SCAMP1: variants seen among roughly 807,000 people sequenced by gnomAD.
SCAMP1 encodes the protein secretory carrier-associated membrane protein 1.
A neutral mutation model predicts 41.8 loss-of-function variants in SCAMP1; 15 were observed. The observed-to-expected ratio is 0.36, with a 90% CI of 0.24 to 0.55. SCAMP1 has a LOEUF of 0.55. Among genes scored for constraint, SCAMP1 ranks in the 20% least tolerant of loss-of-function variants. SCAMP1 has a pLI of 0.86. For synonymous variants in SCAMP1, 135 were observed against 136.8 expected (o/e 0.99, Z 0.09); for missense variants, 341 against 412.6 (o/e 0.83, Z 1.50).
At chr5:78,409,625 G>A (rs1303260492) in intron 2 of SCAMP1, among the ~76,000 whole-genome samples, 2 of 152,146 alleles carry the variant, frequency 1.3e-5, no homozygotes, top group South Asian at 2.1e-4. Flanking sequence ...ATCTACAGAT[G>A]TGAAGAAATT....
At chr5:78,438,493 G>T (rs558214197) in intron 6 of SCAMP1, among the ~76,000 whole-genome samples, 5 of 152,302 alleles carry the variant, frequency 3.3e-5, no homozygotes, top group African/African-American at 1.2e-4. Context: ...TTCAGGAGCA[G>T]GTTGTTCAGT....
intron 1 of SCAMP1, among the ~76,000 whole-genome samples, chr5:78,362,028 A>C (rs1750668371): frequency 6.6e-6 from 1 of 151,928 alleles, no homozygotes; most frequent in Non-Finnish European, 1.5e-5. Flanking sequence ...CCCTAATGTC[A>C]CTTAAAATTC....
chr5:78,415,146 G>A (rs554856297), intron 2 of SCAMP1, among the ~76,000 whole-genome samples: 2 of 152,126 alleles, frequency 1.3e-5, no homozygotes, highest in East Asian at 1.9e-4. Context: ...TAGAGACGGG[G>A]TTTCACCATA....
In SCAMP1 at chr5:78,460,808, C is replaced by CTTTCTTT. The variant is rs1164686959; in HGVS notation, c.852+1446_852+1447insTTTCTTT. Among the ~76,000 whole-genome samples the CTTTCTTT allele has an allele frequency of 3.0e-4, 7 of 23,130 alleles. 1 individual carries two copies. Among genetic ancestry groups the CTTTCTTT allele is most frequent in the African/African-American group, 6.1e-4 (5 of 8,212 alleles). The allele number at this position is 23,130 out of a possible 152,430, so 15.2% of individuals were successfully genotyped here. A position where few individuals can be genotyped will look rare whatever the true frequency, so the allele number is the denominator to read the frequency against. ...TCCTTCCTTCCTTCCTTCCTTCCTC[C>CTTTCTTT]CTTCCTTCCTTCCTTTCTTGTCTTT... On this transcript the variant is annotated intron_variant, in intron 8 of 8. Coordinates refer to ENST00000621999, the MANE Select transcript of SCAMP1 (RefSeq NM_004866.6).
intron 6 of SCAMP1, 29 bp downstream of exon 6, chr5:78,421,989 C>T (rs777211957): frequency 1.3e-6 from 2 of 1,554,572 alleles, no homozygotes; most frequent in Admixed American, 1.8e-5. Flanking sequence ...AAAATACACT[C>T]TTTAAAACCT....
chr5:78,389,453 A>G (rs1038131301), intron 2 of SCAMP1, among the ~76,000 whole-genome samples: 3 of 152,118 alleles, frequency 2.0e-5, no homozygotes, highest in East Asian at 3.9e-4. Context: ...TATTTATTGT[A>G]GAGACAGTGT....
chr5:78,384,057 C>G (rs1356201110), intron 1 of SCAMP1, among the ~76,000 whole-genome samples: 4 of 152,042 alleles, frequency 2.6e-5, no homozygotes, highest in African/African-American at 9.7e-5. Flanking sequence ...TTCTACCCAT[C>G]CATGAGCATG....
intron 7 of SCAMP1, among the ~76,000 whole-genome samples, chr5:78,452,402 T>C (rs1753261214): frequency 1.5e-5 from 2 of 135,158 alleles, no homozygotes; most frequent in South Asian, 5.3e-4. Flanking sequence ...TGTGATCTCA[T>C]TGTTCAATTC....
At chr5:78,407,595 A>C (rs1751964259) in intron 2 of SCAMP1, among the ~76,000 whole-genome samples, 1 of 146,204 alleles carries the variant, frequency 6.8e-6, no homozygotes, top group Non-Finnish European at 1.5e-5. Flanking sequence ...GTGTCTTCAT[A>C]TACTGTTTAA....
At chr5:78,367,578 A>G (rs540163151) in intron 1 of SCAMP1, among the ~76,000 whole-genome samples, 1 of 152,312 alleles carries the variant, frequency 6.6e-6, no homozygotes, top group South Asian at 2.1e-4. Flanking sequence ...TTCTTGAATC[A>G]TATGCTACTT....
At chr5:78,431,278 C>CTT (rs771462979) in intron 6 of SCAMP1, among the ~76,000 whole-genome samples, 3,742 of 140,014 alleles carry the variant, frequency 0.027, 172 homozygotes, top group African/African-American at 0.092. Flanking sequence ...TGCTTTTGTA[C>CTT]TTTTTTTTTT....
chr5:78,397,379 G>C (rs1220624294), intron 2 of SCAMP1, among the ~76,000 whole-genome samples: 1 of 152,134 alleles, frequency 6.6e-6, no homozygotes, highest in Non-Finnish European at 1.5e-5. Flanking sequence ...ACAACTCTTA[G>C]AAGAAGACAT....
At chr5:78,430,407 T>A (rs1235629224) in intron 6 of SCAMP1, among the ~76,000 whole-genome samples, 1 of 151,586 alleles carries the variant, frequency 6.6e-6, no homozygotes, top group African/African-American at 2.4e-5. Flanking sequence ...TTTACACACA[T>A]ACACACTCCT....
chr5:78,369,403 G>T (rs528102386), intron 1 of SCAMP1, among the ~76,000 whole-genome samples: 2 of 152,072 alleles, frequency 1.3e-5, no homozygotes, highest in Non-Finnish European at 2.9e-5. Flanking sequence ...CATCGTGCCC[G>T]GCCAGGACAC....
intron 8 of SCAMP1, among the ~76,000 whole-genome samples, chr5:78,471,472 A>T (rs573983238): frequency 8.5e-5 from 13 of 152,240 alleles, no homozygotes; most frequent in Admixed American, 2.0e-4. Flanking sequence ...AAATATATTT[A>T]AAAAACTCAT....
At chr5:78,446,550 C>CA (rs1753056877) in intron 6 of SCAMP1, among the ~76,000 whole-genome samples, 1 of 151,838 alleles carries the variant, frequency 6.6e-6, no homozygotes, top group Non-Finnish European at 1.5e-5. Context: ...GCCAGAGGGA[C>CA]AGGGAAATAG....
chr5:78,377,953 C>G (rs906365602), intron 1 of SCAMP1, among the ~76,000 whole-genome samples: 1 of 152,178 alleles, frequency 6.6e-6, no homozygotes, highest in African/African-American at 2.4e-5. Context: ...TGAATACAGG[C>G]AGCCAGCAAT....
rs1427256305 is a variant in SCAMP1, at chr5:78,480,571, T to A, written c.*4903T>A. On this transcript the variant is annotated 3_prime_UTR_variant, in exon 9 of 9. Transcript: ENST00000621999. ...TCAGTGTCTTTTATCTGGTGATCAC[T>A]GTGGTATCTACAGTATTCTAGTCTC... 2.0e-5 allele frequency among the ~76,000 whole-genome samples: 3 copies of A among 152,214 alleles called. No individual in the cohort carries two copies. Among genetic ancestry groups the A allele is most frequent in the Non-Finnish European group, 4.4e-5 (3 of 68,038 alleles).
chr5:78,386,598 T>C (rs2112080975), intron 1 of SCAMP1, among the ~76,000 whole-genome samples: 1 of 152,278 alleles, frequency 6.6e-6, no homozygotes, highest in Non-Finnish European at 1.5e-5. Context: ...TTAGTGTATT[T>C]TGAGGATTTG....
Sources: gnomAD v4.1 joint callset for allele counts (sites outside exome capture counted in the v4.1 genomes callset) on GRCh38, gnomAD v4.1.1 for gene constraint, MANE v1.5 for transcripts, NCBI Gene and HGNC (gene_info 2026-07-23, HGNC 2026-07-21) for gene names.